Variants in DCC observed in about 807,000 individuals in gnomAD.
The protein encoded by DCC is netrin receptor DCC.
In DCC, 58 loss-of-function variants were observed where a neutral mutation model predicts 172.5. The observed-to-expected ratio is 0.34, with a 90% CI of 0.27 to 0.42. The LOEUF (loss-of-function observed/expected upper bound fraction) is 0.42, where lower values mean the gene tolerates loss of function less well. Among genes scored for constraint, DCC ranks in the 10% least tolerant of loss-of-function variants. The pLI is 1.00. For synonymous variants in DCC, 709 were observed against 644.5 expected (o/e 1.10, Z -1.52); for missense variants, 1,740 against 1,791.0 (o/e 0.97, Z 0.51).
At position 53,268,232 on chromosome 18, in the gene DCC, A is replaced by G. The variant is rs539870652; in HGVS notation, c.1912-37346A>G. Among the ~76,000 whole-genome samples, 15 of 152,270 alleles carry G rather than the reference A, an allele frequency of 9.9e-5. No individual in the cohort carries two copies. In the East Asian group the frequency reaches 2.9e-3, roughly 29 times the overall value. On this transcript the variant is annotated intron_variant, in intron 12 of 28. Transcript: ENST00000442544. ...GGTCATTTCTTCTGTAACCTAAAGC[A>G]TCATGATTTTTACAGATTTGTCAAA...
chr18:53,063,019 G>A (rs368935229), intron 5 of DCC, among the ~76,000 whole-genome samples: 1 of 151,926 alleles, frequency 6.6e-6, no homozygotes. Flanking sequence ...CATAACACAT[G>A]GATATTCAGA....
At chr18:52,343,877 T>C (rs567861434) in intron 1 of DCC, among the ~76,000 whole-genome samples, 1 of 152,258 alleles carries the variant, frequency 6.6e-6, no homozygotes, top group African/African-American at 2.4e-5. Flanking sequence ...GGCGGGAGTA[T>C]GGCAGAGCCT....
intron 7 of DCC, among the ~76,000 whole-genome samples, chr18:53,124,212 T>C (rs1295424731): frequency 6.6e-6 from 1 of 152,112 alleles, no homozygotes; most frequent in African/African-American, 2.4e-5. Flanking sequence ...AACTTTATTA[T>C]TTAATACATG....
At chr18:53,225,133 G>C (rs1209817487) in intron 12 of DCC, among the ~76,000 whole-genome samples, 1 of 152,122 alleles carries the variant, frequency 6.6e-6, no homozygotes, top group Admixed American at 6.6e-5. Context: ...ATACTAATGA[G>C]AGATACAGTA....
chr18:52,468,420 G>A (rs1988850836), intron 1 of DCC, among the ~76,000 whole-genome samples: 1 of 152,142 alleles, frequency 6.6e-6, no homozygotes, highest in East Asian at 1.9e-4. Flanking sequence ...ATTTTGCAGG[G>A]CTCTTTGGAA....
At chr18:52,894,914 C>T (rs897940083) in intron 2 of DCC, among the ~76,000 whole-genome samples, 21 of 152,262 alleles carry the variant, frequency 1.4e-4, no homozygotes, top group Middle Eastern at 3.4e-3. Flanking sequence ...ATAGACACAT[C>T]CAAAATAATG....
intron 2 of DCC, among the ~76,000 whole-genome samples, chr18:52,798,373 T>C (rs545680772): frequency 6.6e-6 from 1 of 152,176 alleles, no homozygotes; most frequent in Admixed American, 6.5e-5. Context: ...TTCTTTTCTT[T>C]TTAAAAATGT....
chr18:52,625,290 A>G (rs2034552816), intron 1 of DCC, among the ~76,000 whole-genome samples: 1 of 152,144 alleles, frequency 6.6e-6, no homozygotes. Flanking sequence ...GAATGGTGTA[A>G]AACTTAAGAG....
chr18:53,340,075 CAT>C (rs1491396873), intron 15 of DCC, among the ~76,000 whole-genome samples, 168 bp downstream of exon 15: 7 of 125,042 alleles, frequency 5.6e-5, no homozygotes, highest in South Asian at 5.7e-4. Context: ...CACACACACA[CAT>C]ACACACACAC....
chr18:53,438,514 A>G (rs919669461), intron 22 of DCC, among the ~76,000 whole-genome samples: 2 of 152,036 alleles, frequency 1.3e-5, no homozygotes, highest in South Asian at 4.1e-4. Context: ...ATCTCAATTT[A>G]TATATGCACC....
At chr18:53,503,417 A>G (rs2046129123) in intron 27 of DCC, among the ~76,000 whole-genome samples, 2 of 152,098 alleles carry the variant, frequency 1.3e-5, no homozygotes, top group Non-Finnish European at 2.9e-5. Flanking sequence ...CCATTTTTTA[A>G]TGCTTTATCT....
At chr18:53,130,844 G>C in intron 7 of DCC, among the ~76,000 whole-genome samples, 1 of 151,948 alleles carries the variant, frequency 6.6e-6, no homozygotes, top group East Asian at 1.9e-4. Context: ...CTACTTTCCT[G>C]AAATGTATTG....
chr18:52,665,034 A>T (rs867235446), intron 1 of DCC, among the ~76,000 whole-genome samples: 1 of 152,256 alleles, frequency 6.6e-6, no homozygotes, highest in Non-Finnish European at 1.5e-5. Context: ...CTTTTGGGAC[A>T]TGACTGCAGA....
At chr18:52,807,549 T>C (rs2038111665) in intron 2 of DCC, among the ~76,000 whole-genome samples, 1 of 152,140 alleles carries the variant, frequency 6.6e-6, no homozygotes, top group Admixed American at 6.5e-5. Context: ...TAGTAATGAA[T>C]AGCAAAAAGA....
intron 1 of DCC, among the ~76,000 whole-genome samples, chr18:52,588,837 G>C (rs1461252826): frequency 6.6e-6 from 1 of 151,872 alleles, no homozygotes; most frequent in Non-Finnish European, 1.5e-5. Flanking sequence ...CCATTAAAGA[G>C]CTTTATACCA....
Position 52,509,051 on chromosome 18 carries a change from C to T in DCC, c.91+168173C>T, listed in dbSNP as rs143274251. Among the ~76,000 whole-genome samples the T allele has an allele frequency of 2.4e-4, 36 of 152,194 alleles. 1 individual carries two copies. Among genetic ancestry groups the T allele is most frequent in the African/African-American group, 7.5e-4 (31 of 41,540 alleles). On this transcript the variant is annotated intron_variant, in intron 1 of 28. Coordinates refer to ENST00000442544, the MANE Select transcript of DCC (RefSeq NM_005215.4). ...GTTAAGAGTTTAATTATTGGAAAGACGTTTTTGAAGTAAGTGTGGAAGAAC... is the reference window on the plus strand; with the variant it reads ...GTTAAGAGTTTAATTATTGGAAAGATGTTTTTGAAGTAAGTGTGGAAGAAC...
At chr18:52,606,161 C>T (rs2034126391) in intron 1 of DCC, among the ~76,000 whole-genome samples, 1 of 152,006 alleles carries the variant, frequency 6.6e-6, no homozygotes, top group Admixed American at 6.6e-5. Context: ...TCAAGGAAGG[C>T]TGGAAAATAT....
chr18:53,466,897 A>G (rs1448777918), intron 24 of DCC, among the ~76,000 whole-genome samples: 3 of 152,232 alleles, frequency 2.0e-5, no homozygotes, highest in Admixed American at 2.0e-4. Context: ...AGTTAGATTT[A>G]GGAAGCTTCC....
At chr18:53,080,232 G>A (rs766776289) in intron 7 of DCC, among the ~76,000 whole-genome samples, 2 of 152,034 alleles carry the variant, frequency 1.3e-5, no homozygotes, top group African/African-American at 4.8e-5. Context: ...AGGAATTGGG[G>A]CTGTTTCCTA....
Sources: allele counts gnomAD v4.1 joint callset (sites outside exome capture counted in the v4.1 genomes callset), GRCh38; gene constraint gnomAD v4.1.1; transcripts MANE v1.5; gene names NCBI Gene and HGNC (gene_info 2026-07-23, HGNC 2026-07-21).